Variants in GCG observed in about 807,000 individuals in gnomAD.
The protein encoded by GCG is glucagon.
GCG carries 11 observed loss-of-function variants against 22.8 expected under a neutral mutation model. The observed-to-expected ratio is 0.48, with a 90% CI of 0.30 to 0.80. The LOEUF is 0.80. Among genes scored for constraint, GCG ranks in the 30% least tolerant of loss-of-function variants. GCG has a pLI of 0.06. For synonymous variants in GCG, 89 were observed against 72.4 expected (o/e 1.23, Z -1.16); for missense variants, 222 against 222.0 (o/e 1.00, Z 0.00).
At chr2:162,147,876 T>C (rs2106196818) in intron 2 of GCG, among the ~76,000 whole-genome samples, 1 of 152,266 alleles carries the variant, frequency 6.6e-6, no homozygotes, top group Admixed American at 6.5e-5. Context: ...AAATCATTTC[T>C]TTGGGCAGCA....
intron 1 of GCG, among the ~76,000 whole-genome samples, chr2:162,151,491 T>G (rs1467656988): frequency 6.6e-6 from 1 of 152,198 alleles, no homozygotes. Flanking sequence ...TAGATTTTAT[T>G]ACTATTTATC....
Position 162,143,387 on chromosome 2 carries a change from G to T in GCG, c.537-17C>A. On this transcript the variant is annotated splice_polypyrimidine_tract_variant and intron_variant, in intron 5 of 5. Transcript: ENST00000418842. ...AGTTATTTCCTAGAGATTAAAAAAA[G>T]AAAATGATTTAACATAATTATAATA... 1.0e-6 allele frequency: 1 copy of T among 953,020 alleles called. No homozygotes were observed. The highest frequency in any genetic ancestry group is 2.7e-5 in the East Asian group (1 of 37,432). 59.0% of individuals were successfully genotyped at this position (953,020 alleles called of 1,614,324 possible).
At chr2:162,145,466 C>T in intron 4 of GCG, 74 bp downstream of exon 4, 1 of 1,190,402 alleles carries the variant, frequency 8.4e-7, no homozygotes, top group Non-Finnish European at 1.2e-6. Context: ...AATCCAGATC[C>T]ATATATAGAT....
chr2:162,143,868 A>G (rs945345146), intron 5 of GCG, 159 bp downstream of exon 5: 1 of 665,300 alleles, frequency 1.5e-6, no homozygotes. Flanking sequence ...CAAAACAAAC[A>G]TAATGATGTA....
chr2:162,149,601 A>G (rs1263197140), intron 1 of GCG, among the ~76,000 whole-genome samples: 2 of 152,088 alleles, frequency 1.3e-5, no homozygotes, highest in Non-Finnish European at 2.9e-5. Context: ...CTGGCTTTCA[A>G]TTAATAGTCC....
chr2:162,144,074 G>C lies in GCG; in HGVS notation c.489C>G (p.Ala163=), dbSNP rs184086717. 4.3e-6 allele frequency: 7 copies of C among 1,612,790 alleles called. No individual in the cohort carries two copies. In the African/African-American group the frequency reaches 9.3e-5, roughly 22 times the overall value. ...TCAACCAGTTTATAAAGTCCCTGGC[G>C]GCAAGATTATCAAGAATGGTGTTCA... ...DEMNTILDNL[A]ARDFINWLIQ... Residue 163 remains alanine, a synonymous_variant, in exon 5 of 6, where the codon GCC becomes GCG. Coordinates refer to ENST00000418842, the MANE Select transcript of GCG (RefSeq NM_002054.5).
chr2:162,150,183 G>A (rs1046477793), intron 1 of GCG, among the ~76,000 whole-genome samples: 90 of 152,222 alleles, frequency 5.9e-4, no homozygotes, highest in African/African-American at 2.0e-3. Flanking sequence ...GAATGGGAAC[G>A]TCAAGTCCGT....
At chr2:162,150,433 T>A (rs1239970832) in intron 1 of GCG, among the ~76,000 whole-genome samples, 1 of 152,178 alleles carries the variant, frequency 6.6e-6, no homozygotes, top group Non-Finnish European at 1.5e-5. Flanking sequence ...CTGTAATACC[T>A]GCAGCAGTAA....
intron 5 of GCG, 45 bp downstream of exon 5, chr2:162,143,982 T>A (rs374750885): frequency 9.0e-6 from 14 of 1,560,306 alleles, no homozygotes; most frequent in African/African-American, 8.1e-5. Flanking sequence ...CAATCAGTAC[T>A]TATGAGAATT....
chr2:162,143,328 G>T lies in GCG; in HGVS notation c.*36C>A, dbSNP rs1435999428. The T allele has an allele frequency of 2.5e-6, 3 of 1,211,162 alleles. No homozygotes were observed. Among genetic ancestry groups the T allele is most frequent in the Non-Finnish European group, 3.5e-6 (3 of 865,582 alleles). The allele number at this position is 1,211,162 out of a possible 1,614,324, so 75.0% of individuals were successfully genotyped here. On this transcript the variant is annotated 3_prime_UTR_variant, in exon 6 of 6. Transcript: ENST00000418842. ...TTCAAACATCCCACGTGGCTAGCAGGTGATGTTGTGAAGATGATCTTGAAT... is the reference window on the plus strand; with the variant it reads ...TTCAAACATCCCACGTGGCTAGCAGTTGATGTTGTGAAGATGATCTTGAAT...
In GCG at chr2:162,147,405, A is replaced by G; in HGVS notation, c.202T>C (p.Ser68Pro). ...FTSDYSKYLDSRRAQDFVQWL... is the reference protein window; with the variant it reads ...FTSDYSKYLDPRRAQDFVQWL... ...TGCACAAAATCTTGGGCACGCCTGGAGTCCAGATACTTGCTGTAGTCACTG... is the reference window on the plus strand; with the variant it reads ...TGCACAAAATCTTGGGCACGCCTGGGGTCCAGATACTTGCTGTAGTCACTG... Residue 68 changes from serine to proline, a missense_variant, in exon 3 of 6, where the codon TCC (serine) becomes CCC (proline). By Grantham distance (74) the Ser-to-Pro change is moderately conservative. Coordinates refer to ENST00000418842, the MANE Select transcript of GCG (RefSeq NM_002054.5). The G allele has an allele frequency of 6.2e-7, 1 of 1,613,146 alleles. No homozygotes were observed.
chr2:162,149,306 G>A (rs1686775676), intron 1 of GCG, 119 bp from the exon 2 acceptor site: 1 of 626,354 alleles, frequency 1.6e-6, no homozygotes, highest in Non-Finnish European at 2.8e-6. Context: ...AAAAGCTAGT[G>A]TTATCACTTT....
intron 2 of GCG, among the ~76,000 whole-genome samples, chr2:162,148,844 C>T (rs550192730): frequency 1.3e-5 from 2 of 152,190 alleles, no homozygotes; most frequent in East Asian, 1.9e-4. Flanking sequence ...CTGTAGATTT[C>T]AAGGAGCTAT....
chr2:162,150,125 A>G (rs912683527), intron 1 of GCG, among the ~76,000 whole-genome samples: 1 of 152,128 alleles, frequency 6.6e-6, no homozygotes, highest in African/African-American at 2.4e-5. Flanking sequence ...TGGGACCAAC[A>G]TGAATGTGGG....
intron 4 of GCG, chr2:162,145,180 T>A (rs1413746071): frequency 1.2e-5 from 2 of 166,958 alleles, no homozygotes; most frequent in Admixed American, 1.3e-4. Context: ...GCACTGTTTC[T>A]TCTTTTTCCT....
At chr2:162,150,882 C>T (rs775975673) in intron 1 of GCG, among the ~76,000 whole-genome samples, 22 of 151,904 alleles carry the variant, frequency 1.4e-4, no homozygotes, top group Non-Finnish European at 2.6e-4. Flanking sequence ...GAAGAAAGAA[C>T]AACCATAAAC....
rs1686622283 is a variant in GCG, at chr2:162,144,127, G to A, written c.436C>T (p.His146Tyr). Residue 146 changes from histidine (H) to tyrosine (Y), a missense_variant, in exon 5 of 6, where the codon CAT becomes TAT. Physicochemically the swap from His to Tyr is moderately conservative, Grantham distance 83. Coordinates refer to ENST00000418842, the MANE Select transcript of GCG (RefSeq NM_002054.5). ...VAIVEELGRR[H>Y]ADGSFSDEMN... ...TCATCAGAGAAAGAACCATCAGCATGTCTGCGGCCAAGTTCTTCAACAATG... is the reference window on the plus strand; with the variant it reads ...TCATCAGAGAAAGAACCATCAGCATATCTGCGGCCAAGTTCTTCAACAATG... The A allele has an allele frequency of 6.2e-7, 1 of 1,611,744 alleles. No individual in the cohort carries two copies. Among genetic ancestry groups the A allele is most frequent in the Non-Finnish European group, 8.5e-7 (1 of 1,177,914 alleles).
intron 1 of GCG, among the ~76,000 whole-genome samples, chr2:162,151,354 A>T (rs1686834273): frequency 6.6e-6 from 1 of 152,176 alleles, no homozygotes; most frequent in African/African-American, 2.4e-5. Context: ...ATAGGTCTTC[A>T]GTATGTATGG....
intron 4 of GCG, 44 bp from the exon 5 acceptor site, chr2:162,144,214 C>A: frequency 7.0e-7 from 1 of 1,434,880 alleles, no homozygotes; most frequent in South Asian, 1.1e-5. Context: ...TAGATATTTT[C>A]AATAAATGAT....
Sources: allele counts gnomAD v4.1 joint callset (sites outside exome capture counted in the v4.1 genomes callset), GRCh38; gene constraint gnomAD v4.1.1; transcripts MANE v1.5; gene names NCBI Gene and HGNC (gene_info 2026-07-23, HGNC 2026-07-21).